The following BROX variants were observed in gnomAD, a reference collection of about 807,000 sequenced individuals.
BROX encodes BRO1 domain-containing protein BROX.
A neutral mutation model predicts 61.0 loss-of-function variants in BROX; 53 were observed. The observed-to-expected ratio is 0.87, with a 90% CI of 0.70 to 1.09. BROX has a LOEUF of 1.09. Ranked by LOEUF, BROX falls within the 50% of genes least tolerant of loss-of-function variation. The pLI, the probability that BROX is intolerant of heterozygous loss-of-function variation, is 0.00. For missense variants in BROX, 489 were observed against 472.0 expected, an observed-to-expected ratio of 1.04 and a Z score of -0.33; for synonymous variants, 152 against 160.2, an observed-to-expected ratio of 0.95 and a Z score of 0.38.
At chr1:222,724,983 C>T (rs1343382387) in intron 6 of BROX, among the ~76,000 whole-genome samples, 2 of 152,134 alleles carry the variant, frequency 1.3e-5, no homozygotes, top group South Asian at 2.1e-4. Context: ...TTAGTAGAGA[C>T]GGGATTTCAC....
intron 1 of BROX, among the ~76,000 whole-genome samples, chr1:222,714,219 T>TC (rs1656349706): frequency 1.3e-5 from 2 of 150,626 alleles, no homozygotes; most frequent in South Asian, 4.2e-4. Context: ...CTTTTTTTTT[T>TC]TTTTTTTTTT....
At position 222,718,988 on chromosome 1, in the gene BROX, A is replaced by C; in HGVS notation, c.165A>C (p.Glu55Asp). 1 of 1,613,902 alleles carries C rather than the reference A, an allele frequency of 6.2e-7. No individual in the cohort carries two copies. The highest frequency in any genetic ancestry group is 8.5e-7 in the Non-Finnish European group (1 of 1,179,880). ...ELFTDLSCNPEMMKNAADSYF... is the reference protein window; with the variant it reads ...ELFTDLSCNPDMMKNAADSYF... The stretch of plus-strand genomic sequence containing the variant: ...TCACTGATTTGAGCTGTAATCCAGA[A>C]ATGATGAAGAATGCAGCAGATTCAT... Residue 55 changes from glutamate (E) to aspartate (D), a missense_variant, in exon 3 of 13, where the codon GAA becomes GAC. Coordinates refer to ENST00000340934, the MANE Select transcript of BROX (RefSeq NM_144695.4).
intron 1 of BROX, chr1:222,713,268 A>G (rs893173561): frequency 1.0e-6 from 1 of 986,004 alleles, no homozygotes; most frequent in Non-Finnish European, 1.2e-6. Context: ...TCGGCTTTCC[A>G]CAAAAATGCC....
At position 222,712,737 on chromosome 1, in the gene BROX, T is replaced by C; in HGVS notation, c.-222T>C. On this transcript the variant is annotated 5_prime_UTR_variant, in exon 1 of 13. Coordinates refer to ENST00000340934, the MANE Select transcript of BROX (RefSeq NM_144695.4). ...TGAGGGGACTGCAACGCCGCGGCAA[T>C]ACCCGCCCCTGAGCTGCGCGCACTA... is the stretch of plus-strand genomic sequence containing the variant. The C allele has an allele frequency of 7.8e-7, 1 of 1,289,548 alleles. No individual in the cohort carries two copies. Among genetic ancestry groups the C allele is most frequent in the South Asian group, 1.2e-5 (1 of 80,954 alleles). The allele number at this position is 1,289,548 out of a possible 1,614,324, so 79.9% of individuals were successfully genotyped here.
rs1658044218 is a variant in BROX, at chr1:222,732,858, T to G, written c.*144T>G. 1.6e-6 allele frequency: 1 copy of G among 625,884 alleles called. No individual in the cohort carries two copies. The highest frequency in any genetic ancestry group is 1.9e-5 in the African/African-American group (1 of 53,044). The allele number at this position is 625,884 out of a possible 1,614,324, so 38.8% of individuals were successfully genotyped here. ...TTATCTGCCTTCAGCTTACTTGTTC[T>G]TAATTTTTAATACAGCGGAGATGTT... is the stretch of plus-strand genomic sequence containing the variant. On this transcript the variant is annotated 3_prime_UTR_variant, in exon 13 of 13. Coordinates refer to ENST00000340934, the MANE Select transcript of BROX (RefSeq NM_144695.4).
At chr1:222,727,126 G>A in intron 7 of BROX, 42 bp from the exon 8 acceptor site, 1 of 1,339,204 alleles carries the variant, frequency 7.5e-7, no homozygotes, top group South Asian at 1.2e-5. Context: ...GATGAATAAA[G>A]TGAGCTTAAT....
rs551503467 is a variant in BROX at position 222,716,461 on chromosome 1, C to T, written c.101+661C>T. Among the ~76,000 whole-genome samples, 11 of 152,272 alleles carry T rather than the reference C, an allele frequency of 7.2e-5. No homozygotes were observed. In the East Asian group the frequency reaches 2.1e-3, roughly 29 times the overall value. On this transcript the variant is annotated intron_variant, in intron 2 of 12. Transcript: ENST00000340934. ...CTTGACTTCAGAATAAGGAGAGATCCCTGTGACCTGAAATGGCCTTCAAAG... is the reference window on the plus strand; with the variant it reads ...CTTGACTTCAGAATAAGGAGAGATCTCTGTGACCTGAAATGGCCTTCAAAG...
At chr1:222,722,559 A>G (rs1339077497) in intron 5 of BROX, 45 bp downstream of exon 5, 1 of 1,306,412 alleles carries the variant, frequency 7.7e-7, no homozygotes, top group East Asian at 2.3e-5. Context: ...TTATTTTTCA[A>G]GTATGTGGCG....
Position 222,730,033 on chromosome 1 carries a change from C to T in BROX, c.845C>T (p.Ala282Val), listed in dbSNP as rs758417187. Residue 282 changes from alanine to valine, a missense_variant, in exon 11 of 13, where the codon GCA becomes GTA. Physicochemically the swap from Ala to Val is moderately conservative, Grantham distance 64 (BLOSUM62 0). Coordinates refer to ENST00000340934, the MANE Select transcript of BROX (RefSeq NM_144695.4). ...AAATCTCTTTCACATGCAGTGTATG[C>T]AAAGGCAGAAGCACTGTGTAAAGAA... ...RSLQEAEKLY[A>V]KAEALCKEYG... 1.2e-6 allele frequency: 2 copies of T among 1,601,692 alleles called. No individual in the cohort carries two copies. The highest frequency in any genetic ancestry group is 1.7e-6 in the Non-Finnish European group (2 of 1,175,936).
In BROX at chr1:222,726,165, C is replaced by G. The variant is rs563313955; in HGVS notation, c.580+610C>G. Among the ~76,000 whole-genome samples, 5 of 152,308 alleles carry G rather than the reference C, an allele frequency of 3.3e-5. No homozygotes were observed. In the East Asian group the frequency reaches 9.6e-4, roughly 29 times the overall value. ...TTCTTTTTTCTCTTTCACTCGTTGGCTTACCTTAATGTCTTCACCTTTCAA... is the reference window on the plus strand; with the variant it reads ...TTCTTTTTTCTCTTTCACTCGTTGGGTTACCTTAATGTCTTCACCTTTCAA... On this transcript the variant is annotated intron_variant, in intron 7 of 12. Coordinates refer to ENST00000340934, the MANE Select transcript of BROX (RefSeq NM_144695.4).
chr1:222,731,641 A>T, intron 12 of BROX, 125 bp downstream of exon 12: 1 of 989,712 alleles, frequency 1.0e-6, no homozygotes, highest in Non-Finnish European at 1.4e-6. Flanking sequence ...TTAGCTAGTT[A>T]TATAGTGCTT....
intron 7 of BROX, 118 bp downstream of exon 7, chr1:222,725,673 G>A: frequency 1.4e-6 from 1 of 694,492 alleles, no homozygotes; most frequent in South Asian, 2.5e-5. Flanking sequence ...ACTTTGGGAG[G>A]TCTAGGTGGG....
intron 7 of BROX, among the ~76,000 whole-genome samples, chr1:222,726,485 G>A (rs1412203218): frequency 2.0e-5 from 3 of 152,292 alleles, no homozygotes; most frequent in East Asian, 1.9e-4. Flanking sequence ...GGGTGGCCGA[G>A]GCAGGCAGAT....
chr1:222,713,496 A>G (rs1318818409), intron 1 of BROX: 1 of 938,500 alleles, frequency 1.1e-6, no homozygotes, highest in Non-Finnish European at 1.3e-6. Flanking sequence ...GAAGTGTGTT[A>G]GCTTACAGCT....
Position 222,731,356 on chromosome 1 carries a change from G to C in BROX, c.990-1G>C. 1.5e-5 allele frequency: 24 copies of C among 1,558,474 alleles called. No individual in the cohort carries two copies. Among genetic ancestry groups the C allele is most frequent in the Non-Finnish European group, 2.1e-5 (24 of 1,162,684 alleles). ...ATTGCTATTTAAATTATTTTTTGCAGTTACTTTCAAAAAATTCCAACAGAA... is the reference window on the plus strand; with the variant it reads ...ATTGCTATTTAAATTATTTTTTGCACTTACTTTCAAAAAATTCCAACAGAA... On this transcript the variant is annotated splice_acceptor_variant, in intron 11 of 12. Transcript: ENST00000340934. LOFTEE classifies it high-confidence loss of function.
chr1:222,712,901 T>C lies in BROX; in HGVS notation c.-58T>C. ...CTTGTGGACTCCGATATATTGCCCT[T>C]CTTCCCTTAGAAGAACTGCTGAACC... On this transcript the variant is annotated 5_prime_UTR_variant, in exon 1 of 13. Coordinates refer to ENST00000340934, the MANE Select transcript of BROX (RefSeq NM_144695.4). 1 of 1,226,298 alleles carries C rather than the reference T, an allele frequency of 8.2e-7. No individual in the cohort carries two copies. Among genetic ancestry groups the C allele is most frequent in the Non-Finnish European group, 1.0e-6 (1 of 953,206 alleles). The allele number at this position is 1,226,298 out of a possible 1,614,324, so 76.0% of individuals were successfully genotyped here. A position where few individuals can be genotyped will look rare whatever the true frequency, so the allele number is the denominator to read the frequency against.
chr1:222,713,200 C>T (rs1200961873), intron 1 of BROX: 1 of 981,730 alleles, frequency 1.0e-6, no homozygotes, highest in Non-Finnish European at 1.2e-6. Flanking sequence ...GCTTATAATA[C>T]AAGCTAAACT....
intron 9 of BROX, 27 bp from the exon 10 acceptor site, chr1:222,729,593 G>T: frequency 6.4e-7 from 1 of 1,569,848 alleles, no homozygotes; most frequent in South Asian, 1.1e-5. Flanking sequence ...GGGAGAGAAT[G>T]AATAAAAAAT....
In BROX at chr1:222,724,144, G is replaced by T; in HGVS notation, c.454G>T (p.Gly152Trp). ...EVHRSLKIAA[G>W]IFKHLKESHL... ...TCATCGAAGCCTAAAGATTGCAGCT[G>T]GGATTTTTAAACATTTAAAGGTAAA... The change falls in exon 6 of 13, where the codon GGG becomes TGG. Residue 152 changes from glycine (G) to tryptophan (W), a missense_variant. Gly to Trp is a radical substitution (Grantham distance 184). Transcript: ENST00000340934. 6.2e-7 allele frequency: 1 copy of T among 1,610,894 alleles called. No homozygotes were observed. Among genetic ancestry groups the T allele is most frequent in the Non-Finnish European group, 8.5e-7 (1 of 1,178,640 alleles).
Sources: allele counts gnomAD v4.1 joint callset (sites outside exome capture counted in the v4.1 genomes callset), GRCh38; gene constraint gnomAD v4.1.1; transcripts MANE v1.5; gene names NCBI Gene and HGNC (gene_info 2026-07-23, HGNC 2026-07-21).